FRA10AC1: variants seen among roughly 807,000 people sequenced by gnomAD.
FRA10AC1 encodes FRA10A associated CGG repeat 1, also known as protein FRA10AC1.
Under a neutral mutation model 56.5 loss-of-function variants are expected in FRA10AC1, and 43 were observed. The observed-to-expected ratio is 0.76, with a 90% confidence interval of 0.60 to 0.98. FRA10AC1 has a LOEUF of 0.98. Among genes scored for constraint, FRA10AC1 ranks in the 50% least tolerant of loss-of-function variants. The pLI, the probability that FRA10AC1 is intolerant of heterozygous loss-of-function variation, is 0.00. For synonymous variants in FRA10AC1, 112 were observed against 110.5 expected (o/e 1.01, Z -0.09); for missense variants, 346 against 351.8 (o/e 0.98, Z 0.13).
At chr10:93,681,412 T>G (rs2058931463) in intron 11 of FRA10AC1, 68 bp downstream of exon 11, 3 of 1,029,110 alleles carry the variant, frequency 2.9e-6, no homozygotes, top group Non-Finnish European at 4.3e-6. Flanking sequence ...ATTAGATGAA[T>G]GAAATATGGC....
intron 4 of FRA10AC1, among the ~76,000 whole-genome samples, chr10:93,696,396 A>G (rs1220078875): frequency 6.6e-6 from 1 of 152,210 alleles, no homozygotes; most frequent in Non-Finnish European, 1.5e-5. Context: ...TTGTCAAACA[A>G]CCCAGAGAAA....
chr10:93,673,290 A>G (rs914049220), intron 12 of FRA10AC1: 1 of 456,154 alleles, frequency 2.2e-6, no homozygotes, highest in Non-Finnish European at 4.4e-6. Flanking sequence ...TCCATACAGT[A>G]ATTTCCATGT....
chr10:93,684,005 A>G (rs764210418), intron 10 of FRA10AC1, 51 bp downstream of exon 10: 11 of 1,208,850 alleles, frequency 9.1e-6, no homozygotes, highest in Non-Finnish European at 4.9e-6. Context: ...CAGGTAAATG[A>G]CTATATCCTG....
chr10:93,685,567 T>G, intron 8 of FRA10AC1: 6 of 380,584 alleles, frequency 1.6e-5, no homozygotes, highest in East Asian at 1.0e-4. Flanking sequence ...ACAGAATTCT[T>G]GCTTGATAGA....
At chr10:93,695,077 C>T (rs2059209572) in intron 4 of FRA10AC1, 140 bp from the exon 5 acceptor site, 2 of 551,048 alleles carry the variant, frequency 3.6e-6, no homozygotes, top group Admixed American at 3.4e-5. Context: ...CATGCTTACA[C>T]ATTCAGAAAA....
At position 93,696,754 on chromosome 10, in the gene FRA10AC1, C is replaced by A. The variant is rs557883300; in HGVS notation, c.219+1382G>T. ...ATAAAGAAAATGTGGTACATATACA[C>A]CATGGAATACTATGCAACCACAAAA... is the stretch of plus-strand genomic sequence containing the variant. On this transcript the variant is annotated intron_variant, in intron 4 of 13. Transcript: ENST00000359204. Among the ~76,000 whole-genome samples, 245 of 152,316 alleles carry A rather than the reference C, an allele frequency of 1.6e-3. 1 individual carries two copies. The highest frequency in any genetic ancestry group is 5.6e-3 in the African/African-American group (232 of 41,562).
rs2058983437 is a variant in FRA10AC1 at position 93,684,112 on chromosome 10, A to G, written c.626-14T>C. On this transcript the variant is annotated splice_polypyrimidine_tract_variant and intron_variant, in intron 9 of 13. Coordinates refer to ENST00000359204, the MANE Select transcript of FRA10AC1 (RefSeq NM_145246.5). Reference sequence around the variant, plus strand: ...CTTGGCATAACCCTAAAAAGAAAAGACACCACTGAATGGCTGATTTTGAAT... The same window carrying G: ...CTTGGCATAACCCTAAAAAGAAAAGGCACCACTGAATGGCTGATTTTGAAT... The G allele has an allele frequency of 1.9e-6, 3 of 1,598,804 alleles. No homozygotes were observed. The highest frequency in any genetic ancestry group is 1.7e-4 in the Middle Eastern group (1 of 6,040).
intron 4 of FRA10AC1, among the ~76,000 whole-genome samples, chr10:93,697,131 C>CA (rs889334076): frequency 1.2e-4 from 18 of 151,572 alleles, no homozygotes; most frequent in African/African-American, 2.7e-4. Flanking sequence ...AACAAACAAA[C>CA]AAAAAAAACT....
rs147955743 is a variant in FRA10AC1 at position 93,686,618 on chromosome 10, C to T, written c.511+786G>A. 3.3e-5 allele frequency among the ~76,000 whole-genome samples: 5 copies of T among 150,508 alleles called. No homozygotes were observed. The East Asian group carries it at 7.8e-4, about 24-fold the overall frequency. ...GTTTTATGGCATATGCAATTTCACA[C>T]CTAACATAGCCAACTTATGGAAGAT... is the stretch of plus-strand genomic sequence containing the variant. On this transcript the variant is annotated intron_variant, in intron 8 of 13. Coordinates refer to ENST00000359204, the MANE Select transcript of FRA10AC1 (RefSeq NM_145246.5).
intron 5 of FRA10AC1, among the ~76,000 whole-genome samples, chr10:93,694,191 T>C (rs371178623): frequency 1.1e-4 from 17 of 151,770 alleles, no homozygotes; most frequent in East Asian, 7.8e-4. Context: ...AGACTGAGAG[T>C]TCTTGTTTAC....
At chr10:93,683,888 G>A (rs946398967) in intron 10 of FRA10AC1, among the ~76,000 whole-genome samples, 168 bp downstream of exon 10, 2 of 152,048 alleles carry the variant, frequency 1.3e-5, no homozygotes, top group South Asian at 2.1e-4. Flanking sequence ...AGGGCATAGC[G>A]GACTTCTAAA....
chr10:93,687,520 C>G, intron 7 of FRA10AC1, 71 bp from the exon 8 acceptor site: 1 of 1,302,080 alleles, frequency 7.7e-7, no homozygotes. Flanking sequence ...ATGGAGCCAA[C>G]AATGACATTC....
chr10:93,700,574 C>T (rs1363495950), intron 1 of FRA10AC1, among the ~76,000 whole-genome samples: 1 of 152,190 alleles, frequency 6.6e-6, no homozygotes, highest in Non-Finnish European at 1.5e-5. Flanking sequence ...TTAAGTAAAT[C>T]TATTTACAAA....
At chr10:93,690,076 A>C (rs892840611) in intron 7 of FRA10AC1, among the ~76,000 whole-genome samples, 1 of 152,218 alleles carries the variant, frequency 6.6e-6, no homozygotes, top group Non-Finnish European at 1.5e-5. Context: ...CTCTAAAAGT[A>C]TCTACTATAT....
At chr10:93,672,287 G>A (rs1045203962) in intron 12 of FRA10AC1, 2 of 202,916 alleles carry the variant, frequency 9.9e-6, no homozygotes, top group African/African-American at 4.8e-5. Flanking sequence ...AGCAAAAATG[G>A]CAAAAGTGGG....
At chr10:93,677,109 T>C (rs917822196) in intron 11 of FRA10AC1, among the ~76,000 whole-genome samples, 7 of 152,156 alleles carry the variant, frequency 4.6e-5, no homozygotes, top group African/African-American at 7.2e-5. Context: ...TGCAGGTAAG[T>C]ATTAGTTCTC....
intron 7 of FRA10AC1, among the ~76,000 whole-genome samples, chr10:93,691,513 G>A (rs556124018): frequency 4.1e-4 from 63 of 152,232 alleles, no homozygotes; most frequent in Non-Finnish European, 8.2e-4. Context: ...GATGTAAAGT[G>A]GGAAAGGAAA....
At chr10:93,700,779 C>A (rs1451902185) in intron 1 of FRA10AC1, among the ~76,000 whole-genome samples, 2 of 152,116 alleles carry the variant, frequency 1.3e-5, no homozygotes, top group Non-Finnish European at 2.9e-5. Flanking sequence ...TTTTGAGTTT[C>A]TTTAAGGTAA....
chr10:93,671,565 C>T (rs41290226), intron 12 of FRA10AC1: 2,849 of 161,032 alleles, frequency 0.018, 31 homozygotes, highest in Middle Eastern at 0.054. Context: ...GTAACAACAA[C>T]AACAAAAAAC....
Sources: gnomAD v4.1 joint callset for allele counts (sites outside exome capture counted in the v4.1 genomes callset) on GRCh38, gnomAD v4.1.1 for gene constraint, MANE v1.5 for transcripts, NCBI Gene and HGNC (gene_info 2026-07-23, HGNC 2026-07-21) for gene names.